DGKB: variants seen among roughly 807,000 people sequenced by gnomAD.
The protein encoded by DGKB is diacylglycerol kinase beta.
Under a neutral mutation model 114.3 loss-of-function variants are expected in DGKB, and 67 were observed. That is an observed-to-expected ratio of 0.59 (90% CI 0.48 to 0.72). DGKB has a LOEUF of 0.72. Among genes scored for constraint, DGKB ranks in the 30% least tolerant of loss-of-function variants. The probability of loss-of-function intolerance (pLI) is 0.00; values close to 1 mark genes in which losing one functional copy is unlikely to be tolerated. For synonymous variants in DGKB, 398 were observed against 323.1 expected (o/e 1.23, Z -2.49); for missense variants, 907 against 975.2 (o/e 0.93, Z 0.93).
chr7:14,916,784 C>G (rs1429395976), intron 1 of DGKB, among the ~76,000 whole-genome samples: 2 of 152,016 alleles, frequency 1.3e-5, no homozygotes, highest in Admixed American at 6.6e-5. Flanking sequence ...CACCATCAAT[C>G]AACTATATCT....
intron 4 of DGKB, among the ~76,000 whole-genome samples, chr7:14,753,109 G>A (rs1379312372): frequency 6.6e-6 from 1 of 152,018 alleles, no homozygotes; most frequent in African/African-American, 2.4e-5. Context: ...TGTTATAATT[G>A]TACTTTACGT....
At chr7:14,425,364 G>C (rs1047520709) in intron 21 of DGKB, among the ~76,000 whole-genome samples, 3 of 151,922 alleles carry the variant, frequency 2.0e-5, no homozygotes, top group Admixed American at 1.3e-4. Context: ...CTTGGTGAAA[G>C]AATAAGATCA....
At chr7:14,158,345 C>T (rs1783352030) in intron 25 of DGKB, among the ~76,000 whole-genome samples, 1 of 152,158 alleles carries the variant, frequency 6.6e-6, no homozygotes, top group African/African-American at 2.4e-5. Context: ...AGCATTCCCG[C>T]CACATGCCAG....
intron 1 of DGKB, among the ~76,000 whole-genome samples, chr7:14,868,358 T>C (rs1490057553): frequency 2.0e-5 from 3 of 148,452 alleles, no homozygotes. Context: ...TTTTTTAAGA[T>C]GGCATCTCTC....
At chr7:14,833,600 T>C (rs371851067) in intron 2 of DGKB, among the ~76,000 whole-genome samples, 74 of 152,262 alleles carry the variant, frequency 4.9e-4, no homozygotes, top group African/African-American at 1.6e-3. Context: ...TAATATTTTA[T>C]CAATGGCATC....
intron 23 of DGKB, among the ~76,000 whole-genome samples, chr7:14,240,021 C>T (rs573755029): frequency 2.8e-4 from 42 of 151,970 alleles, no homozygotes; most frequent in African/African-American, 8.7e-4. Context: ...CCAGCCACTG[C>T]GTATACGTTT....
At chr7:14,633,503 C>T (rs1251378289) in intron 13 of DGKB, among the ~76,000 whole-genome samples, 1 of 151,764 alleles carries the variant, frequency 6.6e-6, no homozygotes, top group Non-Finnish European at 1.5e-5. Context: ...GTAGTTTATT[C>T]CTGTTACAAT....
intron 23 of DGKB, among the ~76,000 whole-genome samples, chr7:14,246,123 T>A (rs1207178316): frequency 6.6e-6 from 1 of 152,160 alleles, no homozygotes; most frequent in Admixed American, 6.5e-5. Flanking sequence ...TTGTCTGCAA[T>A]GTTCATGAAA....
chr7:14,757,720 T>A lies in DGKB; in HGVS notation c.82A>T (p.Lys28Ter). Residue 28 changes from lysine (K) to a stop codon, truncating the protein, a stop_gained, in exon 3 of 26, where the codon AAA becomes TAA. Coordinates refer to ENST00000402815, the MANE Select transcript of DGKB (RefSeq NM_001350709.2). LOFTEE classifies it high-confidence loss of function. ...LQKYAEYSTKKLKDVLEEFHG... is the reference protein window; with the variant it reads ...LQKYAEYSTK ...AATTCTTCAAGAACATCCTTTAATT[T>A]CTTTGTAGAATCTATAAAAAACAGA... The A allele has an allele frequency of 6.3e-7, 1 of 1,599,928 alleles. No homozygotes were observed. Among genetic ancestry groups the A allele is most frequent in the Non-Finnish European group, 8.6e-7 (1 of 1,168,568 alleles).
intron 14 of DGKB, among the ~76,000 whole-genome samples, chr7:14,629,913 G>A (rs1479039690): frequency 5.3e-5 from 8 of 151,894 alleles, no homozygotes; most frequent in South Asian, 4.1e-4. Context: ...ACATTTTAAC[G>A]TGAAAAAATG....
chr7:14,879,661 C>G lies in DGKB; in HGVS notation c.-188+22931G>C, dbSNP rs528000111. ...TGTAAAACCCTTTTCTTTGACCCAA[C>G]AAAAACATTCGTAGTAACAGTCCCT... On this transcript the variant is annotated intron_variant, in intron 1 of 25. Transcript: ENST00000402815. Among the ~76,000 whole-genome samples the G allele has an allele frequency of 2.0e-5, 3 of 152,242 alleles. No homozygotes were observed. The South Asian group carries it at 6.2e-4, about 32-fold the overall frequency.
chr7:14,894,628 C>A (rs1020015416), intron 1 of DGKB, among the ~76,000 whole-genome samples: 3 of 151,522 alleles, frequency 2.0e-5, no homozygotes, highest in Non-Finnish European at 3.0e-5. Flanking sequence ...ACTGAAAGTG[C>A]TCTTTCACTT....
chr7:14,549,034 A>G (rs73057465), intron 20 of DGKB, among the ~76,000 whole-genome samples: 2,771 of 152,150 alleles, frequency 0.018, 40 homozygotes, highest in Non-Finnish European at 0.03. Context: ...AGTAGAACAG[A>G]AAAACAATCC....
At chr7:14,941,155 C>T (rs1298618506) in intron 1 of DGKB, among the ~76,000 whole-genome samples, 2 of 151,838 alleles carry the variant, frequency 1.3e-5, no homozygotes, top group South Asian at 4.2e-4. Context: ...CAGCTAACTT[C>T]AGTAGGGCAT....
chr7:14,906,380 A>G (rs10265145), upstream of DGKB, among the ~76,000 whole-genome samples: 61,626 of 150,930 alleles, frequency 0.41, 16,243 homozygotes, highest in East Asian at 0.88. Flanking sequence ...GAGAGACAGC[A>G]CTTAAACTGT....
intron 2 of DGKB, among the ~76,000 whole-genome samples, chr7:14,832,229 C>A (rs1217164108): frequency 6.6e-6 from 1 of 151,926 alleles, no homozygotes; most frequent in Non-Finnish European, 1.5e-5. Context: ...AGGAAATAAA[C>A]AATTGATATA....
intron 21 of DGKB, among the ~76,000 whole-genome samples, chr7:14,433,958 A>C (rs181971544): frequency 7.8e-4 from 119 of 152,308 alleles, no homozygotes; most frequent in African/African-American, 2.7e-3. Flanking sequence ...CTGTATTTTT[A>C]CTATGACTTG....
intron 2 of DGKB, among the ~76,000 whole-genome samples, chr7:14,789,010 C>A (rs1459044822): frequency 6.6e-6 from 1 of 152,030 alleles, no homozygotes; most frequent in African/African-American, 2.4e-5. Context: ...GGAGCAGAAA[C>A]ACAGAAAAAT....
intron 1 of DGKB, among the ~76,000 whole-genome samples, chr7:14,875,405 T>G (rs1853124915): frequency 6.6e-6 from 1 of 152,178 alleles, no homozygotes; most frequent in Non-Finnish European, 1.5e-5. Context: ...GGAGTCACCA[T>G]GCTTTTTTAA....
Sources: allele counts gnomAD v4.1 joint callset (sites outside exome capture counted in the v4.1 genomes callset), GRCh38; gene constraint gnomAD v4.1.1; transcripts MANE v1.5; gene names NCBI Gene and HGNC (gene_info 2026-07-23, HGNC 2026-07-21).